EPHB2: variants seen among roughly 807,000 people sequenced by gnomAD.
The protein encoded by EPHB2 is ephrin type-B receptor 2.
Under a neutral mutation model 96.4 loss-of-function variants are expected in EPHB2, and 18 were observed. The ratio of observed to expected loss-of-function variants is 0.19; its 90% CI spans 0.13 to 0.28. The LOEUF is 0.28. Among genes scored for constraint, EPHB2 ranks in the 10% least tolerant of loss-of-function variants. EPHB2 has a pLI of 1.00. For synonymous variants in EPHB2, 506 were observed against 534.1 expected, an observed-to-expected ratio of 0.95 and a Z score of 0.72; for missense variants, 989 against 1,355.4, an observed-to-expected ratio of 0.73 and a Z score of 4.25.
rs555513689 is a variant in EPHB2 at position 22,799,943 on chromosome 1, G to C, written c.811+14867G>C. Among the ~76,000 whole-genome samples, 4 of 152,298 alleles carry C rather than the reference G, an allele frequency of 2.6e-5. No individual in the cohort carries two copies. The South Asian group carries it at 6.2e-4, about 24-fold the overall frequency. ...AAGTTCCCAGTTCCCTCCCTTAAAG[G>C]CATTGCCATCTGATTAGCAACATTT... On this transcript the variant is annotated intron_variant, in intron 3 of 15. Coordinates refer to ENST00000374630, the MANE Select transcript of EPHB2 (RefSeq NM_017449.5).
rs548530118 is a variant in EPHB2 at position 22,790,266 on chromosome 1, C to G, written c.811+5190C>G. On this transcript the variant is annotated intron_variant, in intron 3 of 15. Coordinates refer to ENST00000374630, the MANE Select transcript of EPHB2 (RefSeq NM_017449.5). This position sits in a 1 kb window ranked among gnomAD's most constrained non-coding sequence, Gnocchi z 4.0. ...GCTTTGCAGTGTATAGGGATTAGGA[C>G]ACAATTTTCCCCTATTTATTCACCT... Among the ~76,000 whole-genome samples, 3 of 152,218 alleles carry G rather than the reference C, an allele frequency of 2.0e-5. No individual in the cohort carries two copies. In the East Asian group the frequency reaches 5.8e-4, roughly 30 times the overall value.
At chr1:22,852,409 T>G (rs1645636721) in intron 3 of EPHB2, among the ~76,000 whole-genome samples, 1 of 152,194 alleles carries the variant, frequency 6.6e-6, no homozygotes, top group Non-Finnish European at 1.5e-5. Flanking sequence ...GAAATGTCCT[T>G]CCTTAATTGC....
intron 1 of EPHB2, among the ~76,000 whole-genome samples, chr1:22,741,696 A>AAAAAAAAAAAAAAAAAAAC (rs55743842): frequency 1.7e-4 from 23 of 137,278 alleles, no homozygotes; most frequent in Non-Finnish European, 3.0e-4. Context: ...AAACAAAAAA[A>AAAAAAAAAAAAAAAAAAAC]CAAAAAACCT....
At chr1:22,711,657 C>CG (rs1471085258) in intron 1 of EPHB2, among the ~76,000 whole-genome samples, 2 of 151,994 alleles carry the variant, frequency 1.3e-5, no homozygotes, top group African/African-American at 4.8e-5. Flanking sequence ...GAGGACTGCG[C>CG]GGGGGATGGG....
rs188425606 is a variant in EPHB2 at position 22,851,988 on chromosome 1, G to T, written c.812-11049G>T. 5.9e-5 allele frequency among the ~76,000 whole-genome samples: 9 copies of T among 152,322 alleles called. 1 individual carries two copies. The East Asian group carries it at 9.6e-4, about 16-fold the overall frequency. ...GATTTTCAGAAGACAATAGAATGAA[G>T]AGGCTGTGGAGTCAGAGCTGGCCTC... On this transcript the variant is annotated intron_variant, in intron 3 of 15. Coordinates refer to ENST00000374630, the MANE Select transcript of EPHB2 (RefSeq NM_017449.5).
chr1:22,906,138 A>G lies in EPHB2; in HGVS notation c.1888+29A>G, dbSNP rs1472686867. 1 of 1,614,120 alleles carries G rather than the reference A, an allele frequency of 6.2e-7. No homozygotes were observed. The highest frequency in any genetic ancestry group is 1.7e-5 in the Admixed American group (1 of 60,012). ...GGTGGCTGGTACTCTCACATGTACTATGACCTTAGCCATGGCTGGTGAGAC... is the reference window on the plus strand; with the variant it reads ...GGTGGCTGGTACTCTCACATGTACTGTGACCTTAGCCATGGCTGGTGAGAC... On this transcript the variant is annotated intron_variant, in intron 10 of 15. Transcript: ENST00000374630. The surrounding 1 kb of genome is among the most constrained non-coding windows in gnomAD (Gnocchi z 4.8).
intron 3 of EPHB2, among the ~76,000 whole-genome samples, chr1:22,857,232 C>A (rs1327911349): frequency 6.6e-6 from 1 of 152,156 alleles, no homozygotes; most frequent in African/African-American, 2.4e-5. Flanking sequence ...TTACACCACA[C>A]AAATTGGCAA....
At chr1:22,762,586 C>T (rs1644250665) in intron 1 of EPHB2, among the ~76,000 whole-genome samples, 2 of 152,142 alleles carry the variant, frequency 1.3e-5, no homozygotes, top group South Asian at 4.1e-4. Context: ...AGGCTCCTTC[C>T]TGGCTTCATG....
intron 3 of EPHB2, among the ~76,000 whole-genome samples, chr1:22,854,162 C>G (rs1366791357): frequency 6.6e-6 from 1 of 152,120 alleles, no homozygotes; most frequent in Non-Finnish European, 1.5e-5. Flanking sequence ...GAAGGGAAAC[C>G]CTTCATCAAG....
intron 3 of EPHB2, among the ~76,000 whole-genome samples, chr1:22,827,799 C>T (rs1645245573): frequency 6.6e-6 from 1 of 152,256 alleles, no homozygotes; most frequent in Non-Finnish European, 1.5e-5. Flanking sequence ...CTGTCTCACT[C>T]ACGCCTGGAA....
rs192669440 is a variant in EPHB2 at position 22,726,842 on chromosome 1, G to A, written c.61+15799G>A. 1.5e-3 allele frequency among the ~76,000 whole-genome samples: 232 copies of A among 152,324 alleles called. 1 individual carries two copies. Among genetic ancestry groups the A allele is most frequent in the Admixed American group, 4.7e-3 (72 of 15,298 alleles). On this transcript the variant is annotated intron_variant, in intron 1 of 15. Coordinates refer to ENST00000374630, the MANE Select transcript of EPHB2 (RefSeq NM_017449.5). ...GTATGAGATGGAATGTGTTGAGTGC[G>A]GAGGGGAAAGTCCTCCAGCCTGTGC...
intron 5 of EPHB2, among the ~76,000 whole-genome samples, chr1:22,879,496 G>C (rs1295914279): frequency 6.6e-6 from 1 of 152,220 alleles, no homozygotes; most frequent in African/African-American, 2.4e-5. Context: ...AGTTCCACGG[G>C]GAGGGATGGC....
intron 9 of EPHB2, among the ~76,000 whole-genome samples, chr1:22,900,469 AG>A (rs1409376744): frequency 2.0e-5 from 3 of 151,824 alleles, no homozygotes; most frequent in Non-Finnish European, 2.9e-5. Context: ...CACTTTGAAT[AG>A]GGGGAAACTG....
chr1:22,749,537 T>A (rs934563664), intron 1 of EPHB2, among the ~76,000 whole-genome samples: 4 of 152,008 alleles, frequency 2.6e-5, no homozygotes. Flanking sequence ...TGACAACAGG[T>A]GTTTCTTGGT....
chr1:22,861,251 C>T lies in EPHB2; in HGVS notation c.812-1786C>T, dbSNP rs72871536. Among the ~76,000 whole-genome samples, 1,374 of 152,310 alleles carry T rather than the reference C, an allele frequency of 9.0e-3. 20 individuals carry two copies. The highest frequency in any genetic ancestry group is 0.032 in the African/African-American group (1,324 of 41,560). ...CTCACACAGGTGGGTCTGGGTTTGC[C>T]AGCAGCCTGCACACTAACCACTATG... On this transcript the variant is annotated intron_variant, in intron 3 of 15. Coordinates refer to ENST00000374630, the MANE Select transcript of EPHB2 (RefSeq NM_017449.5).
intron 5 of EPHB2, among the ~76,000 whole-genome samples, chr1:22,867,205 CTG>C (rs1638507783): frequency 6.6e-6 from 1 of 152,164 alleles, no homozygotes; most frequent in Non-Finnish European, 1.5e-5. Flanking sequence ...GCATGTAAGT[CTG>C]TGTATTTGTG....
intron 1 of EPHB2, among the ~76,000 whole-genome samples, chr1:22,760,433 T>G (rs936485200): frequency 8.5e-5 from 13 of 152,148 alleles, no homozygotes; most frequent in African/African-American, 2.9e-4. Context: ...GCAGAGGCAG[T>G]CTTGATGACA....
Position 22,784,270 on chromosome 1 carries a change from C to T in EPHB2, c.127-122C>T, listed in dbSNP as rs1570270702. ...TCTCCCCCATCAGATTGGGAATTCTCTGATGTCTTCACCATTAGACTGGAG... is the reference window on the plus strand; with the variant it reads ...TCTCCCCCATCAGATTGGGAATTCTTTGATGTCTTCACCATTAGACTGGAG... On this transcript the variant is annotated intron_variant, in intron 2 of 15. Coordinates refer to ENST00000374630, the MANE Select transcript of EPHB2 (RefSeq NM_017449.5). The surrounding 1 kb of genome is among the most constrained non-coding windows in gnomAD (Gnocchi z 5.1). The T allele has an allele frequency of 3.4e-6, 3 of 893,718 alleles. No homozygotes were observed. In the East Asian group the frequency reaches 7.8e-5, roughly 23 times the overall value. 55.4% of individuals were successfully genotyped at this position (893,718 alleles called of 1,614,324 possible).
chr1:22,730,034 T>C (rs1643672449), intron 1 of EPHB2, among the ~76,000 whole-genome samples: 1 of 152,214 alleles, frequency 6.6e-6, no homozygotes, highest in Non-Finnish European at 1.5e-5. Flanking sequence ...CGGAGTGGGA[T>C]TGAAGTCTGC....
Sources: allele counts gnomAD v4.1 joint callset (sites outside exome capture counted in the v4.1 genomes callset), GRCh38; gene constraint gnomAD v4.1.1; non-coding constraint Gnocchi (gnomAD v3.1); transcripts MANE v1.5; gene names NCBI Gene and HGNC (gene_info 2026-07-23, HGNC 2026-07-21).